SPATA16: variants seen among roughly 807,000 people sequenced by gnomAD.
SPATA16 encodes the protein spermatogenesis associated 16, also known as spermatogenesis-associated protein 16.
In SPATA16, 36 loss-of-function variants were observed where a neutral mutation model predicts 63.3. The ratio of observed to expected loss-of-function variants is 0.57; its 90% CI spans 0.44 to 0.75. The LOEUF (loss-of-function observed/expected upper bound fraction) is 0.75, where lower values mean the gene tolerates loss of function less well. Ranked by LOEUF, SPATA16 falls within the 30% of genes least tolerant of loss-of-function variation. SPATA16 has a pLI of 0.00. For synonymous variants in SPATA16, 203 were observed against 216.7 expected (o/e 0.94, Z 0.56); for missense variants, 646 against 679.3 (o/e 0.95, Z 0.54).
At chr3:172,982,632 G>T (rs1734347356) in intron 4 of SPATA16, among the ~76,000 whole-genome samples, 1 of 152,038 alleles carries the variant, frequency 6.6e-6, no homozygotes, top group Non-Finnish European at 1.5e-5. Context: ...ATCAAATTTT[G>T]TTCCTATAGA....
At chr3:173,024,083 A>C (rs2108279414) in intron 3 of SPATA16, among the ~76,000 whole-genome samples, 1 of 151,580 alleles carries the variant, frequency 6.6e-6, no homozygotes, top group South Asian at 2.1e-4. Flanking sequence ...GAAACACTAC[A>C]TGTATGCACA....
At chr3:173,039,828 TTTAA>T (rs1203429714) in intron 3 of SPATA16, among the ~76,000 whole-genome samples, 4 of 152,084 alleles carry the variant, frequency 2.6e-5, no homozygotes, top group Non-Finnish European at 5.9e-5. Flanking sequence ...GCAGAGCTAT[TTTAA>T]TTAATAATTG....
chr3:172,927,794 A>G (rs1345912580), intron 6 of SPATA16, among the ~76,000 whole-genome samples: 3 of 152,260 alleles, frequency 2.0e-5, no homozygotes, highest in African/African-American at 7.2e-5. Flanking sequence ...TAGGAATGCC[A>G]GTAAACACTC....
At chr3:172,905,170 A>T (rs1234870410) in intron 10 of SPATA16, among the ~76,000 whole-genome samples, 1 of 152,208 alleles carries the variant, frequency 6.6e-6, no homozygotes, top group African/African-American at 2.4e-5. Flanking sequence ...ATTTGGGGAT[A>T]TGCTAATAAG....
chr3:172,912,566 C>A (rs1732392137), intron 10 of SPATA16, among the ~76,000 whole-genome samples: 1 of 152,030 alleles, frequency 6.6e-6, no homozygotes, highest in African/African-American at 2.4e-5. Flanking sequence ...GACCAATCAC[C>A]TCCTCAGCCA....
At chr3:173,063,109 C>A (rs988730929) in intron 2 of SPATA16, among the ~76,000 whole-genome samples, 20 of 152,244 alleles carry the variant, frequency 1.3e-4, no homozygotes, top group African/African-American at 4.8e-4. Flanking sequence ...CCAATTTATC[C>A]ATGTCTATAT....
intron 2 of SPATA16, among the ~76,000 whole-genome samples, chr3:173,109,903 A>G (rs1737708270): frequency 6.6e-6 from 1 of 152,176 alleles, no homozygotes; most frequent in African/African-American, 2.4e-5. Context: ...TAGTGGTATT[A>G]ACACACTTTT....
intron 2 of SPATA16, among the ~76,000 whole-genome samples, chr3:173,058,711 C>A (rs532597235): frequency 6.6e-6 from 1 of 152,008 alleles, no homozygotes; most frequent in South Asian, 2.1e-4. Context: ...AAATTTTATT[C>A]CTTTTACATT....
At chr3:172,896,498 G>A (rs1732012022) in intron 10 of SPATA16, among the ~76,000 whole-genome samples, 1 of 152,216 alleles carries the variant, frequency 6.6e-6, no homozygotes, top group Non-Finnish European at 1.5e-5. Flanking sequence ...TGGGATTACA[G>A]GCGTGAGCCA....
intron 5 of SPATA16, among the ~76,000 whole-genome samples, chr3:172,969,781 T>C (rs1734005225): frequency 6.6e-6 from 1 of 152,192 alleles, no homozygotes; most frequent in Admixed American, 6.5e-5. Context: ...TACCCTTTGC[T>C]CTTGGGCTTG....
chr3:173,077,067 C>T (rs1000074975), intron 2 of SPATA16, among the ~76,000 whole-genome samples: 2 of 152,124 alleles, frequency 1.3e-5, no homozygotes, highest in African/African-American at 4.8e-5. Context: ...ATTTGGGTGG[C>T]CAGTCTCCCA....
chr3:172,909,324 A>G (rs891692420), intron 10 of SPATA16, among the ~76,000 whole-genome samples: 5 of 152,198 alleles, frequency 3.3e-5, no homozygotes, highest in Admixed American at 2.0e-4. Flanking sequence ...TGATTCTTCC[A>G]ACTCTTGGAA....
intron 6 of SPATA16, among the ~76,000 whole-genome samples, chr3:172,947,420 C>T (rs965039605): frequency 8.5e-5 from 11 of 129,372 alleles, no homozygotes; most frequent in African/African-American, 5.0e-4. Flanking sequence ...ATTTCCTTTA[C>T]GTAATGTATG....
intron 1 of SPATA16, among the ~76,000 whole-genome samples, chr3:173,132,350 A>G (rs965522569): frequency 6.6e-6 from 1 of 152,222 alleles, no homozygotes; most frequent in South Asian, 2.1e-4. Context: ...AGGTCTTAAC[A>G]GAGTATAGTT....
At position 172,916,306 on chromosome 3, in the gene SPATA16, A is replaced by G. The variant is rs1437074965; in HGVS notation, c.1503+11T>C. The G allele has an allele frequency of 6.2e-7, 1 of 1,612,984 alleles. No homozygotes were observed. The highest frequency in any genetic ancestry group is 1.3e-5 in the African/African-American group (1 of 74,846). On this transcript the variant is annotated intron_variant, in intron 9 of 10. Coordinates refer to ENST00000351008, the MANE Select transcript of SPATA16 (RefSeq NM_031955.6). The stretch of plus-strand genomic sequence containing the variant: ...GGCCTATGAAACCCTTAAACAAAGA[A>G]AAATACTTACCAATTCTGCCTCCTG...
chr3:172,924,319 T>TAAA lies in SPATA16; in HGVS notation c.1229-5_1229-3dup, dbSNP rs1486600596. On this transcript the variant is annotated splice_region_variant and splice_polypyrimidine_tract_variant and intron_variant, in intron 7 of 10. Transcript: ENST00000351008. ...TCAGACCGAAAGGTGTTTTATGCTCTAAAAATTGTAACAATAAACTTTTAT... is the reference window on the plus strand; with the variant it reads ...TCAGACCGAAAGGTGTTTTATGCTCTAAAAAAAATTGTAACAATAAACTTTTAT... 3 of 1,606,160 alleles carry TAAA rather than the reference T, an allele frequency of 1.9e-6. No homozygotes were observed. Among genetic ancestry groups the TAAA allele is most frequent in the Non-Finnish European group, 2.6e-6 (3 of 1,174,030 alleles).
intron 4 of SPATA16, among the ~76,000 whole-genome samples, chr3:173,008,090 GA>G (rs1243601645): frequency 6.6e-6 from 1 of 152,022 alleles, no homozygotes; most frequent in East Asian, 1.9e-4. Flanking sequence ...GAAAGACATG[GA>G]ATGGTTTATT....
chr3:172,942,392 C>G (rs758836300), intron 6 of SPATA16, among the ~76,000 whole-genome samples: 1 of 152,038 alleles, frequency 6.6e-6, no homozygotes, highest in Non-Finnish European at 1.5e-5. Flanking sequence ...TAGAAAAATA[C>G]TAATCAGAAT....
chr3:173,139,145 C>T (rs1046512748), intron 1 of SPATA16, among the ~76,000 whole-genome samples: 12 of 152,256 alleles, frequency 7.9e-5, no homozygotes, highest in Non-Finnish European at 1.8e-4. Flanking sequence ...TGCCTGAAAA[C>T]AGTAACCGCT....
Sources: allele counts gnomAD v4.1 joint callset (sites outside exome capture counted in the v4.1 genomes callset), GRCh38; gene constraint gnomAD v4.1.1; transcripts MANE v1.5; gene names NCBI Gene and HGNC (gene_info 2026-07-23, HGNC 2026-07-21).